Variants in ITPR2 observed in about 807,000 individuals in gnomAD.
ITPR2 encodes inositol 1,4,5-trisphosphate receptor type 2.
In ITPR2, 207 loss-of-function variants were observed where a neutral mutation model predicts 317.1. The ratio of observed to expected loss-of-function variants is 0.65; its 90% CI spans 0.58 to 0.73. ITPR2 has a LOEUF of 0.73. Among genes scored for constraint, ITPR2 ranks in the 30% least tolerant of loss-of-function variants. The probability of loss-of-function intolerance (pLI) is 0.00; values close to 1 mark genes in which losing one functional copy is unlikely to be tolerated. For synonymous variants in ITPR2, 1,156 were observed against 1,149.1 expected (o/e 1.01, Z -0.12); for missense variants, 2,613 against 3,284.0 (o/e 0.80, Z 4.99).
At chr12:26,580,716 A>ATC (rs1565618056) in intron 32 of ITPR2, among the ~76,000 whole-genome samples, 1 of 152,186 alleles carries the variant, frequency 6.6e-6, no homozygotes, top group Admixed American at 6.6e-5. Context: ...GCATGGAAGT[A>ATC]TAGGTTTGCG....
intron 32 of ITPR2, among the ~76,000 whole-genome samples, chr12:26,588,138 C>G (rs1204672442): frequency 6.6e-6 from 1 of 152,076 alleles, no homozygotes; most frequent in Non-Finnish European, 1.5e-5. Flanking sequence ...GTTAGACAGC[C>G]AAGTGGAGGT....
intron 55 of ITPR2, among the ~76,000 whole-genome samples, chr12:26,366,874 A>G (rs1939029708): frequency 6.6e-6 from 1 of 152,238 alleles, no homozygotes; most frequent in African/African-American, 2.4e-5. Context: ...AGTGAAGAGA[A>G]GAGAGCATGA....
chr12:26,775,959 T>TATATATATATATA (rs1263788006), intron 2 of ITPR2, among the ~76,000 whole-genome samples: 8 of 145,136 alleles, frequency 5.5e-5, no homozygotes, highest in Non-Finnish European at 9.2e-5. Flanking sequence ...TATATGTATA[T>TATATATATATATA]CCTATTAGTT....
chr12:26,615,493 G>A (rs1038692729), intron 26 of ITPR2, among the ~76,000 whole-genome samples: 1 of 152,240 alleles, frequency 6.6e-6, no homozygotes, highest in African/African-American at 2.4e-5. Flanking sequence ...TAGAGAAAAT[G>A]TAAAAAGGAA....
At chr12:26,440,838 T>C (rs1216916834) in intron 46 of ITPR2, among the ~76,000 whole-genome samples, 7 of 152,132 alleles carry the variant, frequency 4.6e-5, no homozygotes, top group Non-Finnish European at 1.0e-4. Context: ...TTATGAAATG[T>C]TATGTTTGAT....
intron 15 of ITPR2, among the ~76,000 whole-genome samples, chr12:26,660,000 T>C (rs1218036551): frequency 6.6e-6 from 1 of 152,230 alleles, no homozygotes; most frequent in Non-Finnish European, 1.5e-5. Flanking sequence ...TAAATGTTTC[T>C]TGAAGGCCTA....
intron 45 of ITPR2, among the ~76,000 whole-genome samples, chr12:26,460,121 C>A (rs1426794426): frequency 6.6e-6 from 1 of 152,196 alleles, no homozygotes; most frequent in East Asian, 1.9e-4. Context: ...GATGGATTCT[C>A]CCTGCCCCTG....
At chr12:26,685,048 C>T (rs1436032209) in intron 11 of ITPR2, among the ~76,000 whole-genome samples, 1 of 152,100 alleles carries the variant, frequency 6.6e-6, no homozygotes, top group East Asian at 1.9e-4. Flanking sequence ...CAATGTTTCT[C>T]AATAGTGTTA....
intron 34 of ITPR2, among the ~76,000 whole-genome samples, chr12:26,567,953 T>C (rs1945021276): frequency 1.7e-4 from 1 of 5,812 alleles, no homozygotes; most frequent in Non-Finnish European, 8.2e-4. Flanking sequence ...ATATATATTA[T>C]ATATATATAT....
At chr12:26,624,227 T>A in intron 24 of ITPR2, 72 bp downstream of exon 24, 3 of 1,020,406 alleles carry the variant, frequency 2.9e-6, no homozygotes, top group South Asian at 2.7e-5. Context: ...GTGAACAATA[T>A]CAAAGTATCA....
intron 32 of ITPR2, among the ~76,000 whole-genome samples, chr12:26,589,794 A>T (rs374728292): frequency 0.026 from 1,337 of 52,056 alleles, 183 homozygotes; most frequent in Middle Eastern, 0.074. Context: ...TTCAAAAAAA[A>T]AAATAAATAA....
intron 2 of ITPR2, among the ~76,000 whole-genome samples, chr12:26,745,760 T>C (rs930752730): frequency 6.6e-6 from 1 of 152,182 alleles, no homozygotes; most frequent in African/African-American, 2.4e-5. Flanking sequence ...CTCCACCTAA[T>C]ACAAAGAGGA....
intron 1 of ITPR2, among the ~76,000 whole-genome samples, chr12:26,814,900 A>G (rs950805541): frequency 6.6e-6 from 1 of 152,240 alleles, no homozygotes; most frequent in Non-Finnish European, 1.5e-5. Flanking sequence ...GAGAAGCATG[A>G]TAATTTGATT....
chr12:26,561,998 G>T, intron 34 of ITPR2, 46 bp from the exon 35 acceptor site: 1 of 1,315,718 alleles, frequency 7.6e-7, no homozygotes, highest in Non-Finnish European at 1.0e-6. Flanking sequence ...TTTGACTAAA[G>T]TTTCTTACAT....
At chr12:26,485,067 T>C (rs1364877066) in intron 41 of ITPR2, among the ~76,000 whole-genome samples, 3 of 147,398 alleles carry the variant, frequency 2.0e-5, no homozygotes, top group African/African-American at 2.7e-5. Flanking sequence ...CAGTTCGATA[T>C]GCTTATGCAT....
At chr12:26,650,799 G>A (rs1416831417) in intron 21 of ITPR2, among the ~76,000 whole-genome samples, 1 of 152,122 alleles carries the variant, frequency 6.6e-6, no homozygotes, top group Non-Finnish European at 1.5e-5. Context: ...AGTGGTAAAA[G>A]GAGTCTCACT....
chr12:26,660,920 A>G (rs536238867), intron 15 of ITPR2, among the ~76,000 whole-genome samples: 7 of 151,914 alleles, frequency 4.6e-5, no homozygotes, highest in Non-Finnish European at 5.9e-5. Flanking sequence ...GAAGATAAAG[A>G]AAAACAAAGT....
Position 26,628,044 on chromosome 12 carries a change from A to T in ITPR2, c.3053T>A (p.Leu1018Ter), listed in dbSNP as rs1239976578. Residue 1018 changes from leucine to a stop codon, truncating the protein, a stop_gained, in exon 23 of 57, where the codon TTA (leucine) becomes TAA (stop). Transcript: ENST00000381340. LOFTEE classifies it high-confidence loss of function. The part of the protein sequence containing the change: ...ETSASGSPDT[L>*]LPSAIVPDID... ...TCACAAAAAGATACCTGATGGTAGTAAAGTGTCTGGAGATCCACTGGCAGA... is the reference window on the plus strand; with the variant it reads ...TCACAAAAAGATACCTGATGGTAGTTAAGTGTCTGGAGATCCACTGGCAGA... The T allele has an allele frequency of 6.2e-7, 1 of 1,609,748 alleles. No individual in the cohort carries two copies. Among genetic ancestry groups the T allele is most frequent in the Admixed American group, 1.7e-5 (1 of 58,968 alleles).
Position 26,343,175 on chromosome 12 carries a change from C to A in ITPR2, c.7858-2847G>T, listed in dbSNP as rs796505364. Among the ~76,000 whole-genome samples the A allele has an allele frequency of 6.1e-4, 93 of 152,286 alleles. No homozygotes were observed. In the Middle Eastern group the frequency reaches 0.017, roughly 28 times the overall value. Reference sequence around the variant, plus strand: ...TATAAATTACCCAGTCCCAGGTATTCCTTCACAGCAACACAAAACAGATTA... The same window carrying A: ...TATAAATTACCCAGTCCCAGGTATTACTTCACAGCAACACAAAACAGATTA... On this transcript the variant is annotated intron_variant, in intron 55 of 56. Coordinates refer to ENST00000381340, the MANE Select transcript of ITPR2 (RefSeq NM_002223.4).
Sources: gnomAD v4.1 joint callset for allele counts (sites outside exome capture counted in the v4.1 genomes callset) on GRCh38, gnomAD v4.1.1 for gene constraint, MANE v1.5 for transcripts, NCBI Gene and HGNC (gene_info 2026-07-23, HGNC 2026-07-21) for gene names.